Variants in DGLUCY observed in about 807,000 individuals in gnomAD.
DGLUCY encodes D-glutamate cyclase.
In DGLUCY, 58 loss-of-function variants were observed where a neutral mutation model predicts 58.5. The observed-to-expected ratio is 0.99, with a 90% CI of 0.80 to 1.23. The LOEUF (loss-of-function observed/expected upper bound fraction) is 1.23, where lower values mean the gene tolerates loss of function less well. Ranked by LOEUF, DGLUCY falls within the 50% of genes most tolerant of loss-of-function variation. DGLUCY has a pLI of 0.00. For missense variants in DGLUCY, 779 were observed against 784.7 expected (o/e 0.99, Z 0.09); for synonymous variants, 325 against 314.1 (o/e 1.03, Z -0.37).
chr14:91,085,578 T>C (rs1278096206), intron 1 of DGLUCY, among the ~76,000 whole-genome samples: 2 of 151,082 alleles, frequency 1.3e-5, no homozygotes, highest in Non-Finnish European at 3.0e-5. Context: ...TTTTTTTTTT[T>C]AGTATGTGTG....
At chr14:91,100,414 G>A (rs2140081882) in intron 1 of DGLUCY, among the ~76,000 whole-genome samples, 1 of 152,270 alleles carries the variant, frequency 6.6e-6, no homozygotes, top group South Asian at 2.1e-4. Flanking sequence ...GAGTTGTGGA[G>A]GTGTGTTAAA....
Position 91,178,091 on chromosome 14 carries a change from C to A in DGLUCY, c.730+2035C>A, listed in dbSNP as rs2048965090. Among the ~76,000 whole-genome samples, 3 of 152,222 alleles carry A rather than the reference C, an allele frequency of 2.0e-5. No individual in the cohort carries two copies. The South Asian group carries it at 6.2e-4, about 31-fold the overall frequency. On this transcript the variant is annotated intron_variant, in intron 7 of 13. Transcript: ENST00000256324. The stretch of plus-strand genomic sequence containing the variant: ...CATGGCATGTTCCAGTCCTTTAGTT[C>A]TGACAGCGATAGCACAATTGATCGT...
chr14:91,099,353 T>G (rs903629823), intron 1 of DGLUCY, among the ~76,000 whole-genome samples: 1 of 151,986 alleles, frequency 6.6e-6, no homozygotes, highest in Non-Finnish European at 1.5e-5. Flanking sequence ...GCCAACATGG[T>G]GAAACCCCGT....
intron 8 of DGLUCY, among the ~76,000 whole-genome samples, chr14:91,183,781 C>CTTG (rs2049324472): frequency 6.6e-6 from 1 of 152,202 alleles, no homozygotes; most frequent in South Asian, 2.1e-4. Flanking sequence ...TGTCTGCTGA[C>CTTG]TTCAAGCCTA....
intron 13 of DGLUCY, among the ~76,000 whole-genome samples, chr14:91,218,560 AC>A (rs1260290211): frequency 6.6e-6 from 1 of 151,280 alleles, no homozygotes; most frequent in Non-Finnish European, 1.5e-5. Flanking sequence ...GCACCACCAC[AC>A]CCGGCTAATT....
chr14:91,137,960 T>C (rs1026595233), intron 1 of DGLUCY, among the ~76,000 whole-genome samples: 5 of 152,144 alleles, frequency 3.3e-5, no homozygotes, highest in Non-Finnish European at 5.9e-5. Flanking sequence ...CACCAAACTT[T>C]GGGATATCAT....
At chr14:91,149,260 A>C (rs1209204477) in intron 1 of DGLUCY, among the ~76,000 whole-genome samples, 1 of 151,478 alleles carries the variant, frequency 6.6e-6, no homozygotes, top group East Asian at 1.9e-4. Flanking sequence ...AAAAAAAAAA[A>C]AGAAAAGAAA....
At chr14:91,112,430 G>A (rs1302913445), upstream of DGLUCY, among the ~76,000 whole-genome samples, 1 of 152,140 alleles carries the variant, frequency 6.6e-6, no homozygotes, top group Non-Finnish European at 1.5e-5. Context: ...AGCTGGGGCT[G>A]GAGAACACAC....
chr14:91,097,719 G>C (rs530032311), intron 1 of DGLUCY, among the ~76,000 whole-genome samples: 12 of 151,018 alleles, frequency 7.9e-5, no homozygotes, highest in African/African-American at 2.9e-4. Flanking sequence ...TGTTGCCCAG[G>C]CTGGAGTGCA....
chr14:91,202,767 G>A (rs1482181104), intron 11 of DGLUCY, among the ~76,000 whole-genome samples: 2 of 152,180 alleles, frequency 1.3e-5, no homozygotes, highest in African/African-American at 4.8e-5. Flanking sequence ...GTGCTGTGAC[G>A]ACCCTGAGAT....
chr14:91,081,219 A>C (rs8006644), intron 1 of DGLUCY, among the ~76,000 whole-genome samples: 53,659 of 151,622 alleles, frequency 0.35, 10,013 homozygotes, highest in African/African-American at 0.48. Context: ...AAAACAAAAA[A>C]AAAAGCATGT....
chr14:91,105,333 A>G (rs1470090410), upstream of DGLUCY, among the ~76,000 whole-genome samples: 1 of 152,186 alleles, frequency 6.6e-6, no homozygotes, highest in Non-Finnish European at 1.5e-5. Context: ...AAAGAAAAAA[A>G]AATGCATTAT....
intron 1 of DGLUCY, among the ~76,000 whole-genome samples, chr14:91,087,600 T>C (rs930966132): frequency 4.6e-5 from 7 of 152,238 alleles, no homozygotes; most frequent in African/African-American, 7.2e-5. Context: ...GTTTTTACCT[T>C]TCTCAACATT....
At chr14:91,183,014 C>T (rs2140466106) in intron 8 of DGLUCY, among the ~76,000 whole-genome samples, 1 of 146,880 alleles carries the variant, frequency 6.8e-6, no homozygotes, top group South Asian at 2.1e-4. Flanking sequence ...TTTTTTGAGA[C>T]AAGATCTCAC....
At chr14:91,162,875 C>T (rs930633420) in intron 3 of DGLUCY, among the ~76,000 whole-genome samples, 2 of 146,074 alleles carry the variant, frequency 1.4e-5, no homozygotes, top group Non-Finnish European at 1.5e-5. Context: ...CCAGCCTGGG[C>T]GACAAGAGCG....
chr14:91,182,757 C>T (rs1029346091), intron 8 of DGLUCY, among the ~76,000 whole-genome samples: 4 of 152,170 alleles, frequency 2.6e-5, no homozygotes, highest in Non-Finnish European at 5.9e-5. Context: ...GCCACAGCCT[C>T]ACAACAGTTT....
At chr14:91,193,141 G>A (rs1258324769) in intron 9 of DGLUCY, among the ~76,000 whole-genome samples, 2 of 152,182 alleles carry the variant, frequency 1.3e-5, no homozygotes, top group South Asian at 2.1e-4. Flanking sequence ...AACAGCCAGC[G>A]AGGGAGACGA....
intron 1 of DGLUCY, among the ~76,000 whole-genome samples, chr14:91,088,259 G>C (rs1014653982): frequency 6.6e-6 from 1 of 152,162 alleles, no homozygotes; most frequent in Non-Finnish European, 1.5e-5. Flanking sequence ...TATGTGAAAA[G>C]GGAAATAAAT....
At chr14:91,103,724 C>G (rs2044532490), upstream of DGLUCY, among the ~76,000 whole-genome samples, 3 of 152,126 alleles carry the variant, frequency 2.0e-5, no homozygotes, top group South Asian at 6.2e-4. Context: ...TCACTCTCTC[C>G]TGTGTCATTG....
Sources: gnomAD v4.1 joint callset for allele counts (sites outside exome capture counted in the v4.1 genomes callset) on GRCh38, gnomAD v4.1.1 for gene constraint, MANE v1.5 for transcripts, NCBI Gene and HGNC (gene_info 2026-07-23, HGNC 2026-07-21) for gene names.